ADAMTS20: variants seen among roughly 807,000 people sequenced by gnomAD.
ADAMTS20 encodes the protein A disintegrin and metalloproteinase with thrombospondin motifs 20.
In ADAMTS20, 225 loss-of-function variants were observed where a neutral mutation model predicts 260.1. The ratio of observed to expected loss-of-function variants is 0.87; its 90% CI spans 0.78 to 0.97. The LOEUF (loss-of-function observed/expected upper bound fraction) is 0.97, where lower values mean the gene tolerates loss of function less well. ADAMTS20 is among the 50% of genes least tolerant of loss of function. The pLI is 0.00. For synonymous variants in ADAMTS20, 802 were observed against 769.5 expected (o/e 1.04, Z -0.70); for missense variants, 2,400 against 2,337.7 (o/e 1.03, Z -0.55).
At position 43,542,851 on chromosome 12, in the gene ADAMTS20, C is replaced by A. The variant is rs185890281; in HGVS notation, c.453+8058G>T. 1.2e-4 allele frequency among the ~76,000 whole-genome samples: 19 copies of A among 152,260 alleles called. No homozygotes were observed. In the East Asian group the frequency reaches 3.7e-3, roughly 29 times the overall value. On this transcript the variant is annotated intron_variant, in intron 2 of 38. Transcript: ENST00000389420. Reference sequence around the variant, plus strand: ...TTTGATGGAGTTCATTGTAAAATAACCTACAGGCTTTCAGAATTACCCCAG... The same window carrying A: ...TTTGATGGAGTTCATTGTAAAATAAACTACAGGCTTTCAGAATTACCCCAG...
chr12:43,406,249 T>C (rs1386877453), intron 28 of ADAMTS20, among the ~76,000 whole-genome samples: 1 of 152,096 alleles, frequency 6.6e-6, no homozygotes, highest in Non-Finnish European at 1.5e-5. Flanking sequence ...CTTTAGTCTT[T>C]GGCAATTCCA....
At chr12:43,516,663 C>T (rs191930379) in intron 3 of ADAMTS20, among the ~76,000 whole-genome samples, 1 of 151,996 alleles carries the variant, frequency 6.6e-6, no homozygotes, top group Non-Finnish European at 1.5e-5. Context: ...GAGCTTATAT[C>T]GTATGGTCCA....
chr12:43,443,734 C>T (rs1442753755), intron 16 of ADAMTS20, 57 bp downstream of exon 16: 7 of 1,379,530 alleles, frequency 5.1e-6, no homozygotes, highest in African/African-American at 2.8e-5. Context: ...CAACTACAGA[C>T]TTCCATGAAA....
chr12:43,429,748 C>A, intron 23 of ADAMTS20, 24 bp from the exon 24 acceptor site: 1 of 1,424,872 alleles, frequency 7.0e-7, no homozygotes, highest in East Asian at 2.5e-5. Context: ...AAATGGTTCT[C>A]GTAAAACATT....
chr12:43,511,247 C>T (rs1942920165), intron 3 of ADAMTS20, among the ~76,000 whole-genome samples: 1 of 152,062 alleles, frequency 6.6e-6, no homozygotes. Flanking sequence ...CTTGTCCCTC[C>T]CATTCATCCT....
intron 4 of ADAMTS20, among the ~76,000 whole-genome samples, chr12:43,500,725 C>G (rs1942746186): frequency 6.7e-6 from 1 of 148,474 alleles, no homozygotes; most frequent in Non-Finnish European, 1.5e-5. Context: ...TTTATTAATA[C>G]TTTAACCATG....
intron 36 of ADAMTS20, among the ~76,000 whole-genome samples, chr12:43,371,082 T>C (rs1384563675): frequency 1.3e-5 from 2 of 152,214 alleles, no homozygotes; most frequent in African/African-American, 4.8e-5. Flanking sequence ...CTGTTCTTCA[T>C]GATCTGCTCC....
chr12:43,395,677 C>CTTTTTTTTTTTTT (rs5797860), intron 29 of ADAMTS20, among the ~76,000 whole-genome samples: 1 of 90,830 alleles, frequency 1.1e-5, no homozygotes. Context: ...GTGTGAGATT[C>CTTTTTTTTTTTTT]TTTTTTTTTT....
chr12:43,421,492 CTT>C (rs1941238160), intron 28 of ADAMTS20, among the ~76,000 whole-genome samples: 1 of 151,804 alleles, frequency 6.6e-6, no homozygotes, highest in African/African-American at 2.4e-5. Flanking sequence ...TAAAATGAAA[CTT>C]AGTGAGAAAA....
intron 11 of ADAMTS20, among the ~76,000 whole-genome samples, chr12:43,460,938 T>C (rs935833012): frequency 2.3e-5 from 3 of 132,940 alleles, no homozygotes; most frequent in African/African-American, 8.2e-5. Context: ...GGAAGGAGAG[T>C]TGCCTAGATA....
intron 3 of ADAMTS20, among the ~76,000 whole-genome samples, chr12:43,517,718 T>C (rs1464588845): frequency 6.6e-6 from 1 of 152,034 alleles, no homozygotes; most frequent in African/African-American, 2.4e-5. Context: ...GGGTCAAGAA[T>C]GGCTAAGAAA....
At chr12:43,375,268 A>C in intron 36 of ADAMTS20, 111 bp downstream of exon 36, 1 of 1,159,588 alleles carries the variant, frequency 8.6e-7, no homozygotes, top group Non-Finnish European at 1.2e-6. Flanking sequence ...TAATTTTTGC[A>C]CAATGTCAGG....
intron 37 of ADAMTS20, among the ~76,000 whole-genome samples, chr12:43,357,596 C>A (rs1002256651): frequency 1.3e-5 from 2 of 152,018 alleles, no homozygotes; most frequent in African/African-American, 4.8e-5. Context: ...TCGCATAAAA[C>A]AATGACAATA....
At chr12:43,354,510 G>A (rs2137174333) in intron 38 of ADAMTS20, among the ~76,000 whole-genome samples, 1 of 145,928 alleles carries the variant, frequency 6.9e-6, no homozygotes, top group South Asian at 2.1e-4. Context: ...GATAACCTGA[G>A]ATTCATATTA....
rs201811876 is a variant in ADAMTS20, at chr12:43,432,474, TA to T, written c.2932-7del. On this transcript the variant is annotated splice_region_variant and splice_polypyrimidine_tract_variant and intron_variant, in intron 20 of 38. Transcript: ENST00000389420. ...CCTCCACAACTCCTGGAACACTGAT[TA>T]AAAAAAAAAAAGTGGTAACTAATGG... 29,093 of 1,095,932 alleles carry T rather than the reference TA, an allele frequency of 0.027. No homozygotes were observed. The highest frequency in any genetic ancestry group is 0.04 in the South Asian group (2,470 of 61,268). The allele number at this position is 1,095,932 out of a possible 1,614,324, so 67.9% of individuals were successfully genotyped here. A position where few individuals can be genotyped will look rare whatever the true frequency, so the allele number is the denominator to read the frequency against.
chr12:43,427,574 T>A (rs1941357699), intron 26 of ADAMTS20, 105 bp from the exon 27 acceptor site: 1 of 1,070,154 alleles, frequency 9.3e-7, no homozygotes, highest in South Asian at 2.2e-5. Flanking sequence ...AATCAAACCC[T>A]ACATTAGAAT....
At chr12:43,517,853 A>G (rs1943020258) in intron 3 of ADAMTS20, among the ~76,000 whole-genome samples, 1 of 152,050 alleles carries the variant, frequency 6.6e-6, no homozygotes, top group Non-Finnish European at 1.5e-5. Flanking sequence ...TCAATGTCCA[A>G]AACAGATCTA....
At position 43,425,970 on chromosome 12, in the gene ADAMTS20, G is replaced by C. The variant is rs561339396; in HGVS notation, c.4108-280C>G. The stretch of plus-strand genomic sequence containing the variant: ...AGGATTAGTATCATAATATATTTCA[G>C]TAAGATATCCAGGACCTATAAGATA... On this transcript the variant is annotated intron_variant, in intron 27 of 38. Coordinates refer to ENST00000389420, the MANE Select transcript of ADAMTS20 (RefSeq NM_025003.5). Among the ~76,000 whole-genome samples, 19 of 152,128 alleles carry C rather than the reference G, an allele frequency of 1.2e-4. No individual in the cohort carries two copies. The South Asian group carries it at 2.3e-3, about 18-fold the overall frequency.
chr12:43,426,424 A>G (rs1941334529), intron 27 of ADAMTS20, among the ~76,000 whole-genome samples: 1 of 152,190 alleles, frequency 6.6e-6, no homozygotes, highest in Non-Finnish European at 1.5e-5. Flanking sequence ...ATGGTTTCAA[A>G]CTCCCAATGA....
Sources: allele counts gnomAD v4.1 joint callset (sites outside exome capture counted in the v4.1 genomes callset), GRCh38; gene constraint gnomAD v4.1.1; transcripts MANE v1.5; gene names NCBI Gene and HGNC (gene_info 2026-07-23, HGNC 2026-07-21).